RYR2: variants seen among roughly 807,000 people sequenced by gnomAD.
RYR2 encodes the protein ryanodine receptor 2, also known as cardiac muscle ryanodine receptor-calcium release channel.
RYR2 carries 227 observed loss-of-function variants against 601.1 expected under a neutral mutation model. The ratio of observed to expected loss-of-function variants is 0.38; its 90% CI spans 0.34 to 0.42. The LOEUF is 0.42. Ranked by LOEUF, RYR2 falls within the 10% of genes least tolerant of loss-of-function variation. RYR2 has a pLI of 1.00. For missense variants in RYR2, 4,646 were observed against 6,156.5 expected, an observed-to-expected ratio of 0.75 and a Z score of 8.21; for synonymous variants, 2,223 against 2,175.1, an observed-to-expected ratio of 1.02 and a Z score of -0.61.
chr1:237,810,605 C>T (rs1661147136), intron 100 of RYR2, among the ~76,000 whole-genome samples: 1 of 151,924 alleles, frequency 6.6e-6, no homozygotes, highest in Admixed American at 6.6e-5. Flanking sequence ...CTATTAATTC[C>T]ACTGCTAGTA....
At chr1:237,681,312 C>A (rs982472678) in intron 62 of RYR2, among the ~76,000 whole-genome samples, 1 of 152,146 alleles carries the variant, frequency 6.6e-6, no homozygotes, top group African/African-American at 2.4e-5. Context: ...ACAGACTTTC[C>A]TTGGACTTGA....
chr1:237,360,670 A>T (rs1233407084), intron 4 of RYR2, among the ~76,000 whole-genome samples: 1 of 152,234 alleles, frequency 6.6e-6, no homozygotes, highest in South Asian at 2.1e-4. Flanking sequence ...TGCATCTCAC[A>T]TAACTAGATT....
At chr1:237,424,167 C>T (rs1366690007) in intron 12 of RYR2, among the ~76,000 whole-genome samples, 1 of 152,018 alleles carries the variant, frequency 6.6e-6, no homozygotes, top group Non-Finnish European at 1.5e-5. Flanking sequence ...GGACACAGAG[C>T]CAAACCATAT....
chr1:237,090,299 A>G (rs1666822375), intron 1 of RYR2, among the ~76,000 whole-genome samples: 1 of 152,224 alleles, frequency 6.6e-6, no homozygotes, highest in African/African-American at 2.4e-5. Context: ...TAAATATGTT[A>G]CTTTACATGG....
intron 96 of RYR2, among the ~76,000 whole-genome samples, chr1:237,797,715 T>TATTA (rs1312606660): frequency 6.6e-6 from 1 of 152,238 alleles, no homozygotes; most frequent in African/African-American, 2.4e-5. Context: ...TGGCACAAAG[T>TATTA]ATTAATTTAG....
At chr1:237,197,389 T>C (rs1046337660) in intron 1 of RYR2, among the ~76,000 whole-genome samples, 2 of 152,248 alleles carry the variant, frequency 1.3e-5, no homozygotes, top group Non-Finnish European at 2.9e-5. Context: ...TAAATTTTAT[T>C]AAGTACTTTT....
At chr1:237,448,116 G>A (rs993353734) in intron 14 of RYR2, among the ~76,000 whole-genome samples, 4 of 151,854 alleles carry the variant, frequency 2.6e-5, no homozygotes, top group African/African-American at 7.3e-5. Flanking sequence ...TAGTAGAGAC[G>A]TGGTTTCACC....
intron 3 of RYR2, among the ~76,000 whole-genome samples, chr1:237,351,531 G>A (rs1444170020): frequency 6.6e-6 from 1 of 151,884 alleles, no homozygotes; most frequent in Admixed American, 6.6e-5. Flanking sequence ...TCCAAACAAT[G>A]AAAAGATAAT....
intron 1 of RYR2, among the ~76,000 whole-genome samples, chr1:237,259,907 T>G (rs961120): frequency 0.47 from 70,780 of 151,944 alleles, 17,105 homozygotes; most frequent in South Asian, 0.57. Flanking sequence ...ATCACCACAT[T>G]AGGAATATGA....
At chr1:237,084,350 A>G (rs956682423) in intron 1 of RYR2, among the ~76,000 whole-genome samples, 11 of 152,190 alleles carry the variant, frequency 7.2e-5, no homozygotes, top group African/African-American at 1.4e-4. Flanking sequence ...TAACAAGGCA[A>G]TCAGGCTACA....
At chr1:237,242,819 T>C (rs1387952763) in intron 1 of RYR2, among the ~76,000 whole-genome samples, 2 of 152,172 alleles carry the variant, frequency 1.3e-5, no homozygotes, top group African/African-American at 4.8e-5. Context: ...TTACTGATGA[T>C]AGGAGCCTTT....
chr1:237,305,022 T>C (rs1259972979), intron 2 of RYR2, among the ~76,000 whole-genome samples: 4 of 152,130 alleles, frequency 2.6e-5, no homozygotes, highest in Admixed American at 2.6e-4. Flanking sequence ...ATTTCACAGA[T>C]TGGAATGTGG....
chr1:237,050,599 G>A (rs1661134422), intron 1 of RYR2, among the ~76,000 whole-genome samples: 1 of 152,084 alleles, frequency 6.6e-6, no homozygotes, highest in South Asian at 2.1e-4. Flanking sequence ...AGTTTTAATT[G>A]TTTCTCTTTC....
chr1:237,237,538 C>A (rs145827899), intron 1 of RYR2, among the ~76,000 whole-genome samples: 1 of 152,316 alleles, frequency 6.6e-6, no homozygotes, highest in Admixed American at 6.5e-5. Flanking sequence ...AAACAGAAAT[C>A]TGAAGACTGA....
At chr1:237,771,000 C>T (rs562564902) in intron 85 of RYR2, 113 bp downstream of exon 85, 9 of 550,560 alleles carry the variant, frequency 1.6e-5, no homozygotes, top group Non-Finnish European at 2.8e-5. Flanking sequence ...GACAACAAAT[C>T]ATTCTAGAGC....
At chr1:237,623,963 C>A in intron 39 of RYR2, 93 bp downstream of exon 39, 1 of 766,698 alleles carries the variant, frequency 1.3e-6, no homozygotes. Flanking sequence ...AATATTTTCA[C>A]GAATACACAC....
intron 29 of RYR2, among the ~76,000 whole-genome samples, chr1:237,578,924 T>C (rs1335897009): frequency 1.3e-5 from 2 of 152,214 alleles, no homozygotes; most frequent in African/African-American, 4.8e-5. Context: ...GGTCTCTTCC[T>C]TGATGACCTC....
chr1:237,779,012 G>C (rs1694886315), intron 88 of RYR2, among the ~76,000 whole-genome samples: 1 of 152,154 alleles, frequency 6.6e-6, no homozygotes, highest in South Asian at 2.1e-4. Context: ...TGGATATTAA[G>C]AAATTGAATG....
chr1:237,059,160 C>T (rs1313767083), intron 1 of RYR2, among the ~76,000 whole-genome samples: 1 of 152,028 alleles, frequency 6.6e-6, no homozygotes, highest in Non-Finnish European at 1.5e-5. Flanking sequence ...TCCGCATTTC[C>T]CTCTAAATGG....
Sources: gnomAD v4.1 joint callset for allele counts (sites outside exome capture counted in the v4.1 genomes callset) on GRCh38, gnomAD v4.1.1 for gene constraint, MANE v1.5 for transcripts, NCBI Gene and HGNC (gene_info 2026-07-23, HGNC 2026-07-21) for gene names.